MSRA: variants seen among roughly 807,000 people sequenced by gnomAD.
The protein encoded by MSRA is mitochondrial peptide methionine sulfoxide reductase.
Under a neutral mutation model 31.3 loss-of-function variants are expected in MSRA, and 54 were observed. The observed-to-expected ratio is 1.73, with a 90% CI of 1.39 to 2.17. MSRA has a LOEUF of 2.17. Among genes scored for constraint, MSRA ranks in the 30% most tolerant of loss-of-function variants. MSRA has a pLI of 0.00. For synonymous variants in MSRA, 169 were observed against 116.5 expected, an observed-to-expected ratio of 1.45 and a Z score of -2.90; for missense variants, 507 against 300.9, an observed-to-expected ratio of 1.69 and a Z score of -5.07.
At chr8:10,162,850 T>A (rs1207149625) in intron 1 of MSRA, among the ~76,000 whole-genome samples, 1 of 152,106 alleles carries the variant, frequency 6.6e-6, no homozygotes, top group Non-Finnish European at 1.5e-5. Context: ...GGAGAACTCA[T>A]TGGAGCCCTC....
At chr8:10,061,415 C>T (rs1802714809) in intron 1 of MSRA, among the ~76,000 whole-genome samples, 1 of 152,148 alleles carries the variant, frequency 6.6e-6, no homozygotes, top group African/African-American at 2.4e-5. Flanking sequence ...TCCTTTTTCT[C>T]TCCAACCTAA....
intron 1 of MSRA, among the ~76,000 whole-genome samples, chr8:10,090,774 A>T (rs927584700): frequency 5.9e-5 from 9 of 152,216 alleles, no homozygotes; most frequent in African/African-American, 2.2e-4. Context: ...TCATATATAT[A>T]GAATCATACA....
chr8:10,226,723 G>C (rs28473721), intron 2 of MSRA, among the ~76,000 whole-genome samples: 2,438 of 151,922 alleles, frequency 0.016, 63 homozygotes, highest in African/African-American at 0.055. Flanking sequence ...TTGTTTGTTT[G>C]TTTGTTTGTT....
chr8:10,334,910 G>C (rs933068135), intron 5 of MSRA, among the ~76,000 whole-genome samples: 6 of 152,242 alleles, frequency 3.9e-5, no homozygotes, highest in African/African-American at 1.2e-4. Flanking sequence ...CGTGATGGCT[G>C]TTCGGGCCCC....
In MSRA at chr8:10,054,586, G is replaced by C. The variant is rs1802182457; in HGVS notation, c.70G>C (p.Gly24Arg). The C allele has an allele frequency of 2.5e-6, 4 of 1,582,146 alleles. No individual in the cohort carries two copies. The change falls in exon 1 of 6, where the codon GGC becomes CGC. Residue 24 changes from glycine (G) to arginine (R), a missense_variant. Coordinates refer to ENST00000317173, the MANE Select transcript of MSRA (RefSeq NM_012331.5). ...CAGCCTCTTTCCCGTCCCGAGGATG[G>C]GCAACTCGGCCTCGAACATCGTCAG... ...LHSLFPVPRM[G>R]NSASNIVSPQ...
chr8:10,390,127 C>G (rs1047932950), intron 5 of MSRA, among the ~76,000 whole-genome samples: 2 of 152,240 alleles, frequency 1.3e-5, no homozygotes, highest in Non-Finnish European at 2.9e-5. Flanking sequence ...CATCCCCTCT[C>G]TGTATTCCTG....
At chr8:10,122,999 G>A (rs973750601) in intron 1 of MSRA, among the ~76,000 whole-genome samples, 4 of 152,158 alleles carry the variant, frequency 2.6e-5, no homozygotes, top group Admixed American at 1.3e-4. Flanking sequence ...ACATATATGT[G>A]CATGTGTCTA....
chr8:10,393,187 C>T (rs918402915), intron 5 of MSRA, among the ~76,000 whole-genome samples: 4 of 152,124 alleles, frequency 2.6e-5, no homozygotes, highest in Non-Finnish European at 5.9e-5. Context: ...AGAAAGCAGC[C>T]GCCCGCCCCC....
intron 5 of MSRA, among the ~76,000 whole-genome samples, chr8:10,398,378 C>T (rs1390373231): frequency 6.6e-6 from 1 of 152,224 alleles, no homozygotes; most frequent in East Asian, 1.9e-4. Context: ...GGTGGCTCCT[C>T]TGGTCCCTTG....
At chr8:10,133,719 G>C (rs1044180539) in intron 1 of MSRA, among the ~76,000 whole-genome samples, 1 of 152,248 alleles carries the variant, frequency 6.6e-6, no homozygotes, top group Non-Finnish European at 1.5e-5. Flanking sequence ...GAAGTGCTCA[G>C]GAAATGGTAG....
intron 3 of MSRA, among the ~76,000 whole-genome samples, chr8:10,281,793 C>T (rs1799636823): frequency 6.6e-6 from 1 of 152,118 alleles, no homozygotes. Flanking sequence ...TGTAAAGGGG[C>T]GCTGATCAAG....
At chr8:10,315,969 C>T (rs79192101) in intron 4 of MSRA, among the ~76,000 whole-genome samples, 5 of 152,180 alleles carry the variant, frequency 3.3e-5, no homozygotes, top group Non-Finnish European at 7.3e-5. Context: ...CACATCTTGT[C>T]AAAATAATTT....
At chr8:10,157,150 G>A (rs1387978404) in intron 1 of MSRA, among the ~76,000 whole-genome samples, 1 of 151,874 alleles carries the variant, frequency 6.6e-6, no homozygotes. Context: ...CATGCTACCT[G>A]TATGCCTGGA....
In MSRA at chr8:10,405,885, CAT is replaced by C. The variant is rs1563444652; in HGVS notation, c.544-22262_544-22261del. On this transcript the variant is annotated intron_variant, in intron 5 of 5. Coordinates refer to ENST00000317173, the MANE Select transcript of MSRA (RefSeq NM_012331.5). Reference sequence around the variant, plus strand: ...TACTCACACATACACAATATTCACACATGTTCACATACACGCTGTACTCACAG... The same window carrying C: ...TACTCACACATACACAATATTCACACGTTCACATACACGCTGTACTCACAG... 7.2e-5 allele frequency among the ~76,000 whole-genome samples: 11 copies of C among 152,314 alleles called. No homozygotes were observed. The South Asian group carries it at 1.0e-3, about 14-fold the overall frequency.
chr8:10,424,071 C>A (rs918756116), intron 5 of MSRA, among the ~76,000 whole-genome samples: 2 of 152,170 alleles, frequency 1.3e-5, no homozygotes, highest in Non-Finnish European at 2.9e-5. Flanking sequence ...GCCACGCGAA[C>A]ATAGTATGTG....
At chr8:10,118,538 G>A (rs1015043897) in intron 1 of MSRA, among the ~76,000 whole-genome samples, 3 of 151,886 alleles carry the variant, frequency 2.0e-5, no homozygotes, top group Non-Finnish European at 2.9e-5. Flanking sequence ...GTCCAAACTC[G>A]AGCCTAGTAC....
chr8:10,307,191 C>G (rs1801186492), intron 4 of MSRA, among the ~76,000 whole-genome samples: 1 of 142,380 alleles, frequency 7.0e-6, no homozygotes, highest in African/African-American at 2.6e-5. Context: ...TTTTTTGAGA[C>G]ATGGTCTTGC....
At chr8:10,252,304 G>GT (rs1797958627) in intron 3 of MSRA, among the ~76,000 whole-genome samples, 1 of 152,178 alleles carries the variant, frequency 6.6e-6, no homozygotes, top group Admixed American at 6.5e-5. Context: ...TCTCAGTGAG[G>GT]TGGACAGTCA....
intron 1 of MSRA, among the ~76,000 whole-genome samples, chr8:10,109,547 G>GC (rs1210193057): frequency 2.0e-5 from 3 of 151,946 alleles, no homozygotes; most frequent in African/African-American, 7.2e-5. Context: ...TTACCATGTT[G>GC]CCCAGGCTGG....
Sources: allele counts gnomAD v4.1 joint callset (sites outside exome capture counted in the v4.1 genomes callset), GRCh38; gene constraint gnomAD v4.1.1; transcripts MANE v1.5; gene names NCBI Gene and HGNC (gene_info 2026-07-23, HGNC 2026-07-21).